DMD: variants seen among roughly 807,000 people sequenced by gnomAD.
The protein encoded by DMD is dystrophin, also known as mutant dystrophin.
In DMD, 63 loss-of-function variants were observed where a neutral mutation model predicts 330.1. The observed-to-expected ratio is 0.19, with a 90% CI of 0.16 to 0.24. DMD has a LOEUF of 0.24. Ranked by LOEUF, DMD falls within the 10% of genes least tolerant of loss-of-function variation. DMD has a pLI of 1.00. For missense variants in DMD, 3,344 were observed against 2,684.1 expected (o/e 1.25, Z -5.43); for synonymous variants, 1,223 against 959.8 (o/e 1.27, Z -5.07).
At chrX:32,129,092 T>C (rs2096675213) in intron 44 of DMD, among the ~76,000 whole-genome samples, 1 of 111,782 alleles carries the variant, frequency 8.9e-6, no homozygotes, top group South Asian at 3.7e-4. Context: ...AACCTCCTTT[T>C]CCTCATCTTT....
chrX:31,201,579 G>A lies in DMD; in HGVS notation c.9807+2382C>T, dbSNP rs773534233. ...GGTTATCCAGCAAAAGGATGTAGCA[G>A]GCAGAAATGGAATAGGTTGGTCTCC... On this transcript the variant is annotated intron_variant, in intron 67 of 78. Coordinates refer to ENST00000357033, the MANE Select transcript of DMD (RefSeq NM_004006.3). Among the ~76,000 whole-genome samples, 4 of 112,015 alleles carry A rather than the reference G, an allele frequency of 3.6e-5. No individual in the cohort carries two copies. The South Asian group carries it at 1.5e-3, about 42-fold the overall frequency.
Position 32,722,652 on chromosome X carries a change from G to A in DMD, c.650-23359C>T, listed in dbSNP as rs190355642. 2.7e-5 allele frequency among the ~76,000 whole-genome samples: 3 copies of A among 110,686 alleles called. No homozygotes were observed. In the East Asian group the frequency reaches 8.5e-4, roughly 31 times the overall value. ...TCCTCAATGTTTTATAGTTTTGGTT[G>A]TACGTATTTTTCACTTTCTTCTTTA... On this transcript the variant is annotated intron_variant, in intron 7 of 78. Coordinates refer to ENST00000357033, the MANE Select transcript of DMD (RefSeq NM_004006.3).
intron 12 of DMD, among the ~76,000 whole-genome samples, chrX:32,599,793 G>A (rs1042981115): frequency 1.5e-4 from 17 of 111,426 alleles, no homozygotes; most frequent in African/African-American, 5.2e-4. Flanking sequence ...TTTATTAAAG[G>A]AATGCTTTTG....
intron 4 of DMD, among the ~76,000 whole-genome samples, chrX:32,842,317 C>T (rs762814312): frequency 5.3e-5 from 6 of 112,307 alleles, no homozygotes; most frequent in Non-Finnish European, 1.1e-4. Context: ...GAGATAACCA[C>T]GCTAGGGATT....
intron 1 of DMD, among the ~76,000 whole-genome samples, chrX:33,284,503 T>A (rs2053397624): frequency 9.1e-6 from 1 of 109,814 alleles, no homozygotes; most frequent in African/African-American, 3.3e-5. Flanking sequence ...GAGCCTCTTC[T>A]ACTTTTTATG....
rs138672225 is a variant in DMD, at chrX:31,822,336, A to C, written c.7201-2253T>G. On this transcript the variant is annotated intron_variant, in intron 49 of 78. Transcript: ENST00000357033. ...GAAGGAAAACTACGTGCAAAATGGC[A>C]AGAGGTATCGAGCCTTAAAAAAGAA... Among the ~76,000 whole-genome samples, 378 of 112,034 alleles carry C rather than the reference A, an allele frequency of 3.4e-3. 5 individuals carry two copies. The highest frequency in any genetic ancestry group is 0.011 in the African/African-American group (338 of 30,869).
At chrX:32,051,609 T>A (rs895490952) in intron 44 of DMD, among the ~76,000 whole-genome samples, 13 of 109,427 alleles carry the variant, frequency 1.2e-4, no homozygotes, top group African/African-American at 4.0e-4. Flanking sequence ...GAAAATCAGT[T>A]CCTTAAGAAC....
At chrX:32,960,827 A>G (rs770388856) in intron 2 of DMD, among the ~76,000 whole-genome samples, 1 of 109,436 alleles carries the variant, frequency 9.1e-6, no homozygotes, top group African/African-American at 3.3e-5. Flanking sequence ...TGTGGTCTCA[A>G]AAGGTCACAT....
chrX:32,025,372 G>A (rs1478013494), intron 44 of DMD, among the ~76,000 whole-genome samples: 1 of 111,464 alleles, frequency 9.0e-6, no homozygotes, highest in Non-Finnish European at 1.9e-5. Context: ...AAATTTAAAC[G>A]TTATTTAATA....
chrX:32,123,071 T>C (rs1228951822), intron 44 of DMD, among the ~76,000 whole-genome samples: 1 of 105,615 alleles, frequency 9.5e-6, no homozygotes, highest in Non-Finnish European at 1.9e-5. Flanking sequence ...CAGCCTCTGG[T>C]CCCCAAATGA....
At chrX:31,468,554 G>A (rs1043996904) in intron 59 of DMD, among the ~76,000 whole-genome samples, 6 of 111,164 alleles carry the variant, frequency 5.4e-5, no homozygotes, top group Admixed American at 1.9e-4. Context: ...CTGTTTTTTT[G>A]CATTTGCTGA....
At chrX:32,959,960 C>G (rs1451935391) in intron 2 of DMD, among the ~76,000 whole-genome samples, 1 of 111,789 alleles carries the variant, frequency 8.9e-6, no homozygotes, top group East Asian at 2.8e-4. Flanking sequence ...TACCACTCTA[C>G]CATCTGAAGA....
chrX:31,157,838 C>G (rs1425128142), intron 74 of DMD, among the ~76,000 whole-genome samples: 2 of 105,509 alleles, frequency 1.9e-5, no homozygotes, highest in African/African-American at 3.5e-5. Context: ...GGGCCTTGCT[C>G]TGTCACCCAG....
chrX:32,731,941 G>T (rs907856034), intron 7 of DMD, among the ~76,000 whole-genome samples: 3 of 112,003 alleles, frequency 2.7e-5, no homozygotes, highest in African/African-American at 6.5e-5. Flanking sequence ...AGAGAAGAAG[G>T]CTTCAGACGA....
chrX:31,452,881 A>C (rs1482914294), intron 59 of DMD, among the ~76,000 whole-genome samples: 2 of 111,906 alleles, frequency 1.8e-5, no homozygotes, highest in Non-Finnish European at 3.8e-5. Context: ...ACAAAGGAAA[A>C]GTTTTTATTT....
intron 44 of DMD, among the ~76,000 whole-genome samples, chrX:32,105,213 C>A (rs1214615329): frequency 9.0e-6 from 1 of 111,531 alleles, no homozygotes; most frequent in Non-Finnish European, 1.9e-5. Context: ...CCAGCAGAAA[C>A]AGAAATGCCT....
intron 44 of DMD, among the ~76,000 whole-genome samples, chrX:31,998,076 C>T (rs778563806): frequency 1.2e-4 from 13 of 111,331 alleles, no homozygotes; most frequent in South Asian, 3.7e-4. Flanking sequence ...ACCCAGCAAA[C>T]GCAGAGTTAG....
intron 44 of DMD, among the ~76,000 whole-genome samples, chrX:32,072,819 T>G (rs2096310995): frequency 8.9e-6 from 1 of 112,031 alleles, no homozygotes; most frequent in African/African-American, 3.2e-5. Flanking sequence ...TCATTTCCTT[T>G]AACATCTAGT....
chrX:32,655,995 T>A (rs2060541442), intron 9 of DMD, among the ~76,000 whole-genome samples: 1 of 111,555 alleles, frequency 9.0e-6, no homozygotes, highest in African/African-American at 3.3e-5. Context: ...TAATCTTAAT[T>A]CCTACATTAA....
Sources: gnomAD v4.1 joint callset for allele counts (sites outside exome capture counted in the v4.1 genomes callset) on GRCh38, gnomAD v4.1.1 for gene constraint, MANE v1.5 for transcripts, NCBI Gene and HGNC (gene_info 2026-07-23, HGNC 2026-07-21) for gene names.